Variants in CBLB observed in about 807,000 individuals in gnomAD.
The protein encoded by CBLB is Cbl proto-oncogene B.
CBLB carries 31 observed loss-of-function variants against 104.9 expected under a neutral mutation model. That is an observed-to-expected ratio of 0.30 (90% CI 0.22 to 0.40). The LOEUF (loss-of-function observed/expected upper bound fraction) is 0.40, where lower values mean the gene tolerates loss of function less well. CBLB is among the 10% of genes least tolerant of loss of function. The pLI is 1.00. For missense variants in CBLB, 1,062 were observed against 1,214.6 expected (o/e 0.87, Z 1.87); for synonymous variants, 440 against 422.6 (o/e 1.04, Z -0.51).
intron 3 of CBLB, among the ~76,000 whole-genome samples, chr3:105,780,903 G>A (rs2080183369): frequency 6.6e-6 from 1 of 151,950 alleles, no homozygotes; most frequent in African/African-American, 2.4e-5. Flanking sequence ...CTCATGATCT[G>A]CCCGCCTCGG....
chr3:105,765,254 C>G (rs371594285), intron 4 of CBLB, among the ~76,000 whole-genome samples: 52 of 152,232 alleles, frequency 3.4e-4, no homozygotes, highest in East Asian at 2.1e-3. Context: ...ATGATGGGTT[C>G]AATCATACCC....
At position 105,741,106 on chromosome 3, in the gene CBLB, T is replaced by TG. The variant is rs1553758305; in HGVS notation, c.846-476_846-475insC. Among the ~76,000 whole-genome samples, 128 of 147,726 alleles carry TG rather than the reference T, an allele frequency of 8.7e-4. 1 individual carries two copies. The highest frequency in any genetic ancestry group is 3.2e-3 in the African/African-American group (127 of 40,096). On this transcript the variant is annotated intron_variant, in intron 6 of 18. Coordinates refer to ENST00000394030, the MANE Select transcript of CBLB (RefSeq NM_170662.5). ...ACATAAAAATTAGGGTTTTTTTTTT[T>TG]TTTTTTTTTTTGAGACGGAGTCTTA...
chr3:105,858,737 G>A (rs1363030643), intron 2 of CBLB, among the ~76,000 whole-genome samples: 1 of 152,160 alleles, frequency 6.6e-6, no homozygotes, highest in Non-Finnish European at 1.5e-5. Flanking sequence ...CTTTTGACGT[G>A]TCAATATTGA....
chr3:105,686,871 ACTAC>A (rs1356840183), intron 13 of CBLB, among the ~76,000 whole-genome samples: 1 of 152,170 alleles, frequency 6.6e-6, no homozygotes, highest in Non-Finnish European at 1.5e-5. Flanking sequence ...GTCCAGTGTC[ACTAC>A]CTACAGCACA....
intron 10 of CBLB, among the ~76,000 whole-genome samples, chr3:105,719,111 T>C (rs576634744): frequency 6.6e-6 from 1 of 152,358 alleles, no homozygotes; most frequent in South Asian, 2.1e-4. Flanking sequence ...GTAAATCTTA[T>C]GTGACCTCTT....
At chr3:105,719,125 A>G (rs1320746961) in intron 10 of CBLB, among the ~76,000 whole-genome samples, 1 of 152,236 alleles carries the variant, frequency 6.6e-6, no homozygotes, top group Non-Finnish European at 1.5e-5. Context: ...ACCTCTTAGA[A>G]GCCAAACAGT....
chr3:105,719,971 T>C, intron 10 of CBLB, 76 bp downstream of exon 10: 1 of 1,096,008 alleles, frequency 9.1e-7, no homozygotes, highest in South Asian at 1.3e-5. Flanking sequence ...CGCTGAGTCA[T>C]ACTCCATTTA....
In CBLB at chr3:105,734,023, G is replaced by A. The variant is rs1302957360; in HGVS notation, c.1189C>T (p.Leu397Phe). Reference protein sequence around the residue: ...PCGHLMCTSCLTAWQESDGQG... With the variant: ...PCGHLMCTSCFTAWQESDGQG... ...AATGATTATACCTGCCATGCCGTAA[G>A]GCAAGAGGTGCACATCAAATGCCCA... Residue 397 changes from leucine to phenylalanine, a missense_variant, in exon 9 of 19, where the codon CTT becomes TTT. By Grantham distance (22) the Leu-to-Phe change is conservative. This residue lies in a region of CBLB where 457 missense variants were observed against 632.0 expected (regional missense o/e 0.72). Coordinates refer to ENST00000394030, the MANE Select transcript of CBLB (RefSeq NM_170662.5). The A allele has an allele frequency of 1.2e-6, 2 of 1,613,848 alleles. No individual in the cohort carries two copies. Among genetic ancestry groups the A allele is most frequent in the Admixed American group, 1.7e-5 (1 of 60,012 alleles).
intron 12 of CBLB, among the ~76,000 whole-genome samples, chr3:105,695,796 G>C (rs923977408): frequency 1.3e-5 from 2 of 151,644 alleles, no homozygotes; most frequent in Non-Finnish European, 3.0e-5. Context: ...GTTTTGTCAA[G>C]GAGAATTTAG....
intron 3 of CBLB, among the ~76,000 whole-genome samples, chr3:105,788,522 G>C (rs1186788745): frequency 6.6e-6 from 1 of 152,126 alleles, no homozygotes; most frequent in South Asian, 2.1e-4. Context: ...AAGCTGTACT[G>C]GGCCAGGTCA....
chr3:105,822,675 CA>C (rs964525685), intron 3 of CBLB, among the ~76,000 whole-genome samples: 3 of 152,178 alleles, frequency 2.0e-5, no homozygotes, highest in African/African-American at 7.2e-5. Flanking sequence ...TCTTAGTACC[CA>C]AACAACTCTA....
intron 2 of CBLB, among the ~76,000 whole-genome samples, chr3:105,858,355 G>C (rs963874421): frequency 2.0e-5 from 3 of 152,134 alleles, no homozygotes; most frequent in Non-Finnish European, 4.4e-5. Context: ...TACCTGCTAT[G>C]TGCAAGGAGC....
At chr3:105,685,523 T>A in intron 13 of CBLB, 57 bp from the exon 14 acceptor site, 1 of 1,403,858 alleles carries the variant, frequency 7.1e-7, no homozygotes, top group Non-Finnish European at 1.0e-6. Flanking sequence ...AACAGGCAAG[T>A]CTGATGTGAC....
intron 3 of CBLB, among the ~76,000 whole-genome samples, 171 bp downstream of exon 3, chr3:105,853,243 T>C (rs988209202): frequency 1.8e-4 from 27 of 152,130 alleles, no homozygotes; most frequent in African/African-American, 6.5e-4. Context: ...AATGAAATTG[T>C]CTAAAAATGC....
intron 10 of CBLB, among the ~76,000 whole-genome samples, chr3:105,718,619 CA>C (rs1447256417): frequency 2.6e-5 from 4 of 152,278 alleles, no homozygotes; most frequent in African/African-American, 4.8e-5. Flanking sequence ...CACCTAGTGA[CA>C]ATGGCAAATA....
chr3:105,726,548 T>A (rs1033050714), intron 9 of CBLB, among the ~76,000 whole-genome samples: 12 of 151,568 alleles, frequency 7.9e-5, no homozygotes, highest in Non-Finnish European at 1.3e-4. Context: ...CATTTTCCTT[T>A]TTTTTTTTTT....
chr3:105,663,103 G>A (rs989753536), intron 18 of CBLB, among the ~76,000 whole-genome samples: 52 of 152,250 alleles, frequency 3.4e-4, no homozygotes, highest in African/African-American at 1.2e-3. Context: ...AGTTACTGCT[G>A]TTACTACTTG....
At chr3:105,797,220 T>C (rs1359076986) in intron 3 of CBLB, among the ~76,000 whole-genome samples, 1 of 152,226 alleles carries the variant, frequency 6.6e-6, no homozygotes, top group African/African-American at 2.4e-5. Flanking sequence ...AAAGACAGTG[T>C]GGTACATATA....
chr3:105,719,675 T>C (rs920181445), intron 10 of CBLB, among the ~76,000 whole-genome samples: 4 of 152,236 alleles, frequency 2.6e-5, no homozygotes, highest in Admixed American at 1.3e-4. Context: ...TAAATGAATG[T>C]TACTGGTTTA....
Sources: allele counts gnomAD v4.1 joint callset (sites outside exome capture counted in the v4.1 genomes callset), GRCh38; gene constraint gnomAD v4.1.1; regional missense constraint gnomAD v4.1.1; transcripts MANE v1.5; gene names NCBI Gene and HGNC (gene_info 2026-07-23, HGNC 2026-07-21).